SUN1: variants seen among roughly 807,000 people sequenced by gnomAD.
SUN1 encodes the protein SUN domain-containing protein 1.
In SUN1, 61 loss-of-function variants were observed where a neutral mutation model predicts 103.2. The observed-to-expected ratio is 0.59, with a 90% CI of 0.48 to 0.73. The LOEUF is 0.73. SUN1 is among the 30% of genes least tolerant of loss of function. SUN1 has a pLI of 0.00. For synonymous variants in SUN1, 490 were observed against 425.7 expected (o/e 1.15, Z -1.86); for missense variants, 1,052 against 1,034.6 (o/e 1.02, Z -0.23).
In SUN1 at chr7:855,414, C is replaced by T. The variant is rs572223823; in HGVS notation, c.1350+408C>T. ...CAGCACTAGCTTTGGGTGGGAAGGC[C>T]GGGACCATTTGTTGCTGGGAATGCC... On this transcript the variant is annotated intron_variant, in intron 11 of 18. Transcript: ENST00000401592. 3.0e-4 allele frequency among the ~76,000 whole-genome samples: 45 copies of T among 152,300 alleles called. No individual in the cohort carries two copies. In the Middle Eastern group the frequency reaches 0.014, roughly 46 times the overall value.
rs933331819 is a variant in SUN1 at position 869,159 on chromosome 7, T to C, written c.1981-190T>C. On this transcript the variant is annotated intron_variant, in intron 16 of 18. Coordinates refer to ENST00000401592, the MANE Select transcript of SUN1 (RefSeq NM_001130965.3). ...TTTTAACTTTTATACAACATATGGG[T>C]TGGAGATAGTGGCCCTCTGAGGAGT... 4.5e-5 allele frequency: 30 copies of C among 664,038 alleles called. 1 individual carries two copies. The highest frequency in any genetic ancestry group is 6.7e-5 in the Non-Finnish European group (26 of 386,592). 41.1% of individuals were successfully genotyped at this position (664,038 alleles called of 1,614,324 possible).
intron 5 of SUN1, among the ~76,000 whole-genome samples, chr7:846,079 T>C (rs532700918): frequency 6.6e-5 from 10 of 152,128 alleles, no homozygotes; most frequent in Non-Finnish European, 1.5e-4. Context: ...AGGTTAACTT[T>C]ATTCTTTTTG....
intron 5 of SUN1, among the ~76,000 whole-genome samples, chr7:847,365 C>T (rs1158916518): frequency 6.8e-6 from 1 of 146,742 alleles, no homozygotes; most frequent in Non-Finnish European, 1.5e-5. Context: ...TCTCTGGGAT[C>T]TCCTGGGGGT....
In SUN1 at chr7:840,639, C is replaced by CTTTTTTT. The variant is rs540064618; in HGVS notation, c.267-1293_267-1287dup. The stretch of plus-strand genomic sequence containing the variant: ...AGAAATTATTTTTTGACCATCTATT[C>CTTTTTTT]TTTTTTTTTTTTTTTTTTTTGAAAC... On this transcript the variant is annotated intron_variant, in intron 2 of 18. Transcript: ENST00000401592. 3.1e-5 allele frequency among the ~76,000 whole-genome samples: 4 copies of CTTTTTTT among 127,776 alleles called. 1 individual carries two copies. Among genetic ancestry groups the CTTTTTTT allele is most frequent in the African/African-American group, 1.2e-4 (4 of 33,252 alleles). The allele number at this position is 127,776 out of a possible 152,430, so 83.8% of individuals were successfully genotyped here.
At chr7:852,455 C>T (rs998601142) in intron 7 of SUN1, 154 bp from the exon 8 acceptor site, 3 of 818,726 alleles carry the variant, frequency 3.7e-6, no homozygotes, top group Admixed American at 2.2e-5. Flanking sequence ...GAAGGTTCTC[C>T]TGAAGGCATC....
chr7:831,010 T>C, upstream of SUN1: 1 of 985,552 alleles, frequency 1.0e-6, no homozygotes, highest in Non-Finnish European at 1.2e-6. Context: ...GCCAAGGCCC[T>C]GTCCTGTGCC....
At chr7:825,274 G>C (rs1790595409) in intron 1 of SUN1, among the ~76,000 whole-genome samples, 1 of 152,180 alleles carries the variant, frequency 6.6e-6, no homozygotes, top group African/African-American at 2.4e-5. Flanking sequence ...GTGTTAGTCA[G>C]GTTGGTCTTG....
rs4256502 is a variant in SUN1, at chr7:841,643, G to T, written c.267-303G>T. Reference sequence around the variant, plus strand: ...AGGATTAAATTTATAAATCACAGATGTTTTTATTTTCAGATCTTTTTTATT... The same window carrying T: ...AGGATTAAATTTATAAATCACAGATTTTTTTATTTTCAGATCTTTTTTATT... On this transcript the variant is annotated intron_variant, in intron 2 of 18. Transcript: ENST00000401592. 0.84 allele frequency among the ~76,000 whole-genome samples: 128,529 copies of T among 152,220 alleles called. 54,897 individuals carry two copies. The highest frequency in any genetic ancestry group is 1 in the East Asian group (5,180 of 5,184).
chr7:852,318 C>T, intron 7 of SUN1: 1 of 594,522 alleles, frequency 1.7e-6, no homozygotes, highest in Non-Finnish European at 3.0e-6. Context: ...TGCCCTGCTG[C>T]AGTTCCCAGT....
rs914498022 is a variant in SUN1 at position 853,600 on chromosome 7, G to A, written c.1245G>A (p.Val415=). 3.1e-6 allele frequency: 5 copies of A among 1,604,134 alleles called. No homozygotes were observed. The highest frequency in any genetic ancestry group is 2.7e-5 in the African/African-American group (2 of 74,912). Reference sequence around the variant, plus strand: ...CGTCAGCTTCGGTCAGAGACGCTGTGGGACAGCCCCCGAGGGAGGTGGGTG... The same window carrying A: ...CGTCAGCTTCGGTCAGAGACGCTGTAGGACAGCCCCCGAGGGAGGTGGGTG... The part of the protein sequence containing the change: ...AGPSASVRDA[V]GQPPRETDFM... Residue 415 remains valine, a synonymous_variant, in exon 10 of 19, where the codon GTG becomes GTA. Coordinates refer to ENST00000401592, the MANE Select transcript of SUN1 (RefSeq NM_001130965.3).
At chr7:835,777 T>C (rs1802461756) in intron 1 of SUN1, among the ~76,000 whole-genome samples, 1 of 152,238 alleles carries the variant, frequency 6.6e-6, no homozygotes, top group African/African-American at 2.4e-5. Context: ...CCATTGGTGA[T>C]GGTTGCCTTG....
At position 843,398 on chromosome 7, in the gene SUN1, C is replaced by G; in HGVS notation, c.536C>G (p.Ala179Gly). 1 of 1,612,796 alleles carries G rather than the reference C, an allele frequency of 6.2e-7. No individual in the cohort carries two copies. Among genetic ancestry groups the G allele is most frequent in the Non-Finnish European group, 8.5e-7 (1 of 1,179,102 alleles). ...NGDVGAAAAT[A>G]HNGFSCSNCS... ...GATGTGGGAGCCGCCGCCGCCACCG[C>G]GCACAACGGCTTCTCCTGCAGCAAC... Residue 179 changes from alanine to glycine, a missense_variant, in exon 5 of 19, where the codon GCG becomes GGG. By Grantham distance (60) the Ala-to-Gly change is moderately conservative (BLOSUM62 0). Transcript: ENST00000401592.
chr7:857,949 C>G lies in SUN1; in HGVS notation c.1516C>G (p.Gln506Glu), dbSNP rs769575476. The G allele has an allele frequency of 1.9e-6, 3 of 1,568,162 alleles. No homozygotes were observed. Among genetic ancestry groups the G allele is most frequent in the African/African-American group, 1.4e-5 (1 of 73,718 alleles). Reference sequence around the variant, plus strand: ...CGGCTGTGAGACAGTGGATGCCGTACAAGAAAGAGTGAGCTTTCTGCATGT... The same window carrying G: ...CGGCTGTGAGACAGTGGATGCCGTAGAAGAAAGAGTGAGCTTTCTGCATGT... ...KTGCETVDAVQERVDVQVREM... is the reference protein window; with the variant it reads ...KTGCETVDAVEERVDVQVREM... Residue 506 changes from glutamine (Q) to glutamate (E), a missense_variant, in exon 13 of 19, where the codon CAA becomes GAA. Transcript: ENST00000401592.
At position 852,646 on chromosome 7, in the gene SUN1, A is replaced by T; in HGVS notation, c.889A>T (p.Ile297Phe). Residue 297 changes from isoleucine to phenylalanine, a missense_variant, in exon 8 of 19, where the codon ATC becomes TTC. By Grantham distance (21) the Ile-to-Phe change is conservative. Coordinates refer to ENST00000401592, the MANE Select transcript of SUN1 (RefSeq NM_001130965.3). ...RNICKFLVLL[I>F]PLFLLLAGLS... ...CATCTGCAAGTTTTTAGTCTTGCTC[A>T]TCCCACTCTTCCTTTTACTAGGTAA... is the stretch of plus-strand genomic sequence containing the variant. 1 of 1,614,208 alleles carries T rather than the reference A, an allele frequency of 6.2e-7. No homozygotes were observed. The highest frequency in any genetic ancestry group is 1.1e-5 in the South Asian group (1 of 91,086).
intron 5 of SUN1, chr7:849,465 A>C: frequency 7.8e-7 from 1 of 1,278,702 alleles, no homozygotes; most frequent in Non-Finnish European, 1.1e-6. Context: ...GGGTGCGAGA[A>C]GCACTTGAGC....
Position 860,391 on chromosome 7 carries a change from GC to G in SUN1, c.1779+10del. Reference sequence around the variant, plus strand: ...CTGGAATAACAGAGGCGGTGAGTCGGCGAGTCGGCGGCAAGAGATGCTTACA... The same window carrying G: ...CTGGAATAACAGAGGCGGTGAGTCGGGAGTCGGCGGCAAGAGATGCTTACA... On this transcript the variant is annotated intron_variant, in intron 14 of 18. Coordinates refer to ENST00000401592, the MANE Select transcript of SUN1 (RefSeq NM_001130965.3). 1.2e-6 allele frequency: 2 copies of G among 1,610,124 alleles called. No homozygotes were observed. The highest frequency in any genetic ancestry group is 1.7e-6 in the Non-Finnish European group (2 of 1,177,252).
chr7:874,283 G>T lies in SUN1; in HGVS notation c.*952G>T, dbSNP rs1244759474. 6.6e-6 allele frequency: 1 copy of T among 152,574 alleles called. No individual in the cohort carries two copies. The highest frequency in any genetic ancestry group is 2.4e-5 in the African/African-American group (1 of 41,416). 9.5% of individuals were successfully genotyped at this position (152,574 alleles called of 1,614,324 possible). A position where few individuals can be genotyped will look rare whatever the true frequency, so the allele number is the denominator to read the frequency against. Reference sequence around the variant, plus strand: ...GCAGCATTTCTTACTGGCTGTGGCTGGAATCTGCCTTTTATCACAGCTGTC... The same window carrying T: ...GCAGCATTTCTTACTGGCTGTGGCTTGAATCTGCCTTTTATCACAGCTGTC... On this transcript the variant is annotated 3_prime_UTR_variant, in exon 19 of 19. Coordinates refer to ENST00000401592, the MANE Select transcript of SUN1 (RefSeq NM_001130965.3).
At chr7:817,338 C>T in intron 1 of SUN1, 41 of 1,347,834 alleles carry the variant, frequency 3.0e-5, no homozygotes, top group Non-Finnish European at 4.1e-5. Flanking sequence ...ATCCCCTCGC[C>T]CCAGCCTGCC....
Position 873,971 on chromosome 7 carries a change from C to G in SUN1, c.*640C>G, listed in dbSNP as rs1050589726. The G allele has an allele frequency of 6.6e-6, 1 of 152,310 alleles. No homozygotes were observed. The allele number at this position is 152,310 out of a possible 1,614,324, so 9.4% of individuals were successfully genotyped here. ...CATGGAGGAATATGGGAGCGTTTCG[C>G]TCTCCTTGTAGGCTGAAGTCAGTCT... is the stretch of plus-strand genomic sequence containing the variant. On this transcript the variant is annotated 3_prime_UTR_variant, in exon 19 of 19. Coordinates refer to ENST00000401592, the MANE Select transcript of SUN1 (RefSeq NM_001130965.3).
Sources: gnomAD v4.1 joint callset for allele counts (sites outside exome capture counted in the v4.1 genomes callset) on GRCh38, gnomAD v4.1.1 for gene constraint, MANE v1.5 for transcripts, NCBI Gene and HGNC (gene_info 2026-07-23, HGNC 2026-07-21) for gene names.